Variants in CTNNA3 observed in about 807,000 individuals in gnomAD.
The protein encoded by CTNNA3 is catenin alpha 3, also known as catenin alpha-3.
CTNNA3 carries 76 observed loss-of-function variants against 95.7 expected under a neutral mutation model. The ratio of observed to expected loss-of-function variants is 0.79; its 90% CI spans 0.66 to 0.96. The LOEUF (loss-of-function observed/expected upper bound fraction) is 0.96, where lower values mean the gene tolerates loss of function less well. Ranked by LOEUF, CTNNA3 falls within the 40% of genes least tolerant of loss-of-function variation. The probability of loss-of-function intolerance (pLI) is 0.00; values close to 1 mark genes in which losing one functional copy is unlikely to be tolerated. For missense variants in CTNNA3, 1,191 were observed against 1,089.8 expected (o/e 1.09, Z -1.31); for synonymous variants, 431 against 374.4 (o/e 1.15, Z -1.74).
intron 7 of CTNNA3, among the ~76,000 whole-genome samples, chr10:66,789,351 T>C (rs1161651388): frequency 3.3e-5 from 5 of 152,126 alleles, no homozygotes; most frequent in Admixed American, 6.5e-5. Context: ...ATTTTTGTAT[T>C]TTTGTTAGAG....
At chr10:67,228,650 T>G (rs1341027875) in intron 5 of CTNNA3, among the ~76,000 whole-genome samples, 1 of 151,920 alleles carries the variant, frequency 6.6e-6, no homozygotes, top group African/African-American at 2.4e-5. Flanking sequence ...ATATTACAAC[T>G]GATACCACTG....
intron 7 of CTNNA3, among the ~76,000 whole-genome samples, chr10:67,053,664 A>G (rs1294422764): frequency 1.3e-5 from 2 of 152,164 alleles, no homozygotes; most frequent in Non-Finnish European, 2.9e-5. Flanking sequence ...ACCAGTCAAT[A>G]TCTTTGAGGA....
intron 11 of CTNNA3, among the ~76,000 whole-genome samples, chr10:66,508,208 C>CTTT (rs1564498973): frequency 1.1e-5 from 1 of 87,550 alleles, no homozygotes. Context: ...GTTTTGTTTT[C>CTTT]TGTTTTTTTT....
intron 5 of CTNNA3, among the ~76,000 whole-genome samples, chr10:67,393,299 G>A (rs1844582964): frequency 6.6e-6 from 1 of 152,036 alleles, no homozygotes; most frequent in Non-Finnish European, 1.5e-5. Flanking sequence ...CAAATAAAAT[G>A]TGGCAAAGGG....
In CTNNA3 at chr10:65,915,337, C is replaced by G. The variant is rs1484456461; in HGVS notation, c.*4993G>C. The stretch of plus-strand genomic sequence containing the variant: ...AAACCACCAAGACAAGTGTCTCATT[C>G]TATCCTTAATACTTTCCTCAGGAGG... On this transcript the variant is annotated 3_prime_UTR_variant, in exon 18 of 18. Coordinates refer to ENST00000433211, the MANE Select transcript of CTNNA3 (RefSeq NM_013266.4). 3 of 152,098 alleles carry G rather than the reference C, an allele frequency of 2.0e-5. No individual in the cohort carries two copies. Among genetic ancestry groups the G allele is most frequent in the Non-Finnish European group, 4.4e-5 (3 of 68,016 alleles). 9.4% of individuals were successfully genotyped at this position (152,098 alleles called of 1,614,324 possible). A position where few individuals can be genotyped will look rare whatever the true frequency, so the allele number is the denominator to read the frequency against.
chr10:67,096,770 A>C (rs937086817), intron 7 of CTNNA3, among the ~76,000 whole-genome samples: 1 of 151,774 alleles, frequency 6.6e-6, no homozygotes, highest in African/African-American at 2.4e-5. Context: ...TTGGCAAGGG[A>C]GTCCCTTCCT....
chr10:67,124,337 TG>T (rs1859608567), intron 7 of CTNNA3, among the ~76,000 whole-genome samples: 1 of 128,186 alleles, frequency 7.8e-6, no homozygotes, highest in Non-Finnish European at 1.6e-5. Flanking sequence ...GTTAGCGGTG[TG>T]TGTGTGTGTG....
At chr10:67,654,489 C>CTTT (rs35035624) in intron 1 of CTNNA3, among the ~76,000 whole-genome samples, 2 of 144,314 alleles carry the variant, frequency 1.4e-5, no homozygotes, top group African/African-American at 2.6e-5. Context: ...TGTTATTCCA[C>CTTT]TTTTTTTTTT....
At chr10:65,929,030 C>T (rs1361381206) in intron 17 of CTNNA3, among the ~76,000 whole-genome samples, 1 of 136,096 alleles carries the variant, frequency 7.3e-6, no homozygotes, top group Non-Finnish European at 1.6e-5. Context: ...TCCCCCCTCC[C>T]CTCACCCACA....
intron 10 of CTNNA3, among the ~76,000 whole-genome samples, chr10:66,552,119 G>C (rs181432658): frequency 1.3e-5 from 2 of 151,926 alleles, no homozygotes; most frequent in South Asian, 2.1e-4. Context: ...TAGCCACGAC[G>C]GTCTCCATCT....
At chr10:66,088,393 A>G (rs1340695394) in intron 14 of CTNNA3, among the ~76,000 whole-genome samples, 1 of 148,096 alleles carries the variant, frequency 6.8e-6, no homozygotes, top group Non-Finnish European at 1.5e-5. Context: ...ACATTTTATA[A>G]CTCTTATTTC....
rs1864563715 is a variant in CTNNA3, at chr10:67,219,759, C to T, written c.691G>A (p.Val231Ile). ...ICSACLEHSD[V>I]ASLKASKDTV... Reference sequence around the variant, plus strand: ...TCCTTGCTTGCTTTGAGGGAAGCAACATCAGAATGCTCCAAACAAGCTGAA... The same window carrying T: ...TCCTTGCTTGCTTTGAGGGAAGCAATATCAGAATGCTCCAAACAAGCTGAA... Residue 231 changes from valine (V) to isoleucine (I), a missense_variant, in exon 6 of 18, where the codon GTT becomes ATT. By Grantham distance (29) the Val-to-Ile change is conservative. Coordinates refer to ENST00000433211, the MANE Select transcript of CTNNA3 (RefSeq NM_013266.4). 4 of 1,614,050 alleles carry T rather than the reference C, an allele frequency of 2.5e-6. No homozygotes were observed. The highest frequency in any genetic ancestry group is 1.3e-5 in the African/African-American group (1 of 75,008).
intron 7 of CTNNA3, among the ~76,000 whole-genome samples, chr10:67,037,256 A>G (rs1280598971): frequency 6.6e-6 from 1 of 152,186 alleles, no homozygotes; most frequent in African/African-American, 2.4e-5. Flanking sequence ...ATGTTACTTT[A>G]GAGATATTTA....
chr10:66,078,194 A>G (rs565611862), intron 14 of CTNNA3, among the ~76,000 whole-genome samples: 1 of 151,980 alleles, frequency 6.6e-6, no homozygotes, highest in African/African-American at 2.4e-5. Context: ...CTGAATTCAG[A>G]CCTCTAGAAC....
At chr10:66,226,672 C>G (rs76050359) in intron 13 of CTNNA3, among the ~76,000 whole-genome samples, 2 of 148,070 alleles carry the variant, frequency 1.4e-5, no homozygotes, top group African/African-American at 5.0e-5. Flanking sequence ...AATATTAATT[C>G]TTCCAGTCCA....
intron 17 of CTNNA3, among the ~76,000 whole-genome samples, chr10:65,963,550 G>A (rs1018785777): frequency 2.6e-5 from 4 of 152,106 alleles, no homozygotes; most frequent in Admixed American, 1.3e-4. Flanking sequence ...ATTTTTACAT[G>A]CCAATGTTGT....
chr10:67,339,531 A>G (rs1206550568), intron 5 of CTNNA3, among the ~76,000 whole-genome samples: 1 of 152,116 alleles, frequency 6.6e-6, no homozygotes, highest in Non-Finnish European at 1.5e-5. Flanking sequence ...TGTTTATCCA[A>G]CTCCGGTATT....
chr10:67,236,166 T>C (rs1042817306), intron 5 of CTNNA3, among the ~76,000 whole-genome samples: 3 of 148,952 alleles, frequency 2.0e-5, no homozygotes, highest in East Asian at 4.0e-4. Flanking sequence ...ACTGGGTATA[T>C]ACCCAAAGGA....
At chr10:67,626,638 T>A (rs1838966442) in intron 2 of CTNNA3, among the ~76,000 whole-genome samples, 1 of 152,180 alleles carries the variant, frequency 6.6e-6, no homozygotes, top group African/African-American at 2.4e-5. Context: ...GTTTTGGGGT[T>A]CTCTGTTTTC....
Sources: allele counts gnomAD v4.1 joint callset (sites outside exome capture counted in the v4.1 genomes callset), GRCh38; gene constraint gnomAD v4.1.1; transcripts MANE v1.5; gene names NCBI Gene and HGNC (gene_info 2026-07-23, HGNC 2026-07-21).